The following ZDHHC17 variants were observed in gnomAD, a reference collection of about 807,000 sequenced individuals.
The protein encoded by ZDHHC17 is zDHHC palmitoyltransferase 17.
In ZDHHC17, 40 loss-of-function variants were observed where a neutral mutation model predicts 90.3. The ratio of observed to expected loss-of-function variants is 0.44; its 90% confidence interval spans 0.34 to 0.58. The LOEUF is 0.58. Ranked by LOEUF, ZDHHC17 falls within the 20% of genes least tolerant of loss-of-function variation. The pLI is 0.01. For synonymous variants in ZDHHC17, 235 were observed against 252.4 expected, an observed-to-expected ratio of 0.93 and a Z score of 0.65; for missense variants, 614 against 780.8, an observed-to-expected ratio of 0.79 and a Z score of 2.55.
rs1240649658 is a variant in ZDHHC17, at chr12:76,852,134, A to C, written c.*1149A>C. The C allele has an allele frequency of 6.6e-6, 1 of 152,634 alleles. No individual in the cohort carries two copies. Among genetic ancestry groups the C allele is most frequent in the African/African-American group, 2.4e-5 (1 of 41,454 alleles). The allele number at this position is 152,634 out of a possible 1,614,324, so 9.5% of individuals were successfully genotyped here. A position where few individuals can be genotyped will look rare whatever the true frequency, so the allele number is the denominator to read the frequency against. On this transcript the variant is annotated 3_prime_UTR_variant, in exon 17 of 17. Coordinates refer to ENST00000426126, the MANE Select transcript of ZDHHC17 (RefSeq NM_015336.4). Reference sequence around the variant, plus strand: ...AAAAATTTTCTTTTTGTTAAATGTGATGCACTGATCAATTTTTGTCACAGC... The same window carrying C: ...AAAAATTTTCTTTTTGTTAAATGTGCTGCACTGATCAATTTTTGTCACAGC...
intron 1 of ZDHHC17, among the ~76,000 whole-genome samples, chr12:76,777,979 T>C (rs1025543399): frequency 6.6e-6 from 1 of 152,124 alleles, no homozygotes; most frequent in Non-Finnish European, 1.5e-5. Context: ...GGGATATCAG[T>C]GGGACTATGC....
At chr12:76,822,202 A>G (rs1004826628) in intron 7 of ZDHHC17, among the ~76,000 whole-genome samples, 4 of 152,344 alleles carry the variant, frequency 2.6e-5, no homozygotes, top group African/African-American at 9.6e-5. Flanking sequence ...TCTACGGAAT[A>G]TGATGAGAAA....
chr12:76,839,203 A>G (rs1033648002), intron 10 of ZDHHC17, among the ~76,000 whole-genome samples: 6 of 152,194 alleles, frequency 3.9e-5, no homozygotes, highest in African/African-American at 1.4e-4. Context: ...GGGATTCAAC[A>G]TATGCATTGT....
intron 10 of ZDHHC17, among the ~76,000 whole-genome samples, chr12:76,837,608 T>A (rs1163045260): frequency 1.3e-5 from 2 of 152,224 alleles, no homozygotes; most frequent in African/African-American, 4.8e-5. Context: ...ATATACAGTG[T>A]GTCTTTTCAG....
In ZDHHC17 at chr12:76,809,822, A is replaced by G. The variant is rs1313015187; in HGVS notation, c.508A>G (p.Thr170Ala). The change falls in exon 5 of 17, where the codon ACC becomes GCC. Residue 170 changes from threonine to alanine, a missense_variant. By Grantham distance (58) the Thr-to-Ala change is moderately conservative. Transcript: ENST00000426126. ...TCATCTGGCTGCTCAGTTCGGACAT[A>G]CCTCAATTGTTGCTTATCTCATAGC... ...CIHLAAQFGH[T>A]SIVAYLIAKG... 1 of 1,611,492 alleles carries G rather than the reference A, an allele frequency of 6.2e-7. No individual in the cohort carries two copies. The highest frequency in any genetic ancestry group is 1.1e-5 in the South Asian group (1 of 90,600).
intron 1 of ZDHHC17, among the ~76,000 whole-genome samples, chr12:76,768,897 A>G (rs1047353949): frequency 2.6e-4 from 39 of 151,648 alleles, no homozygotes; most frequent in African/African-American, 9.5e-4. Context: ...AACTTCTGCT[A>G]TTGCCTTTTT....
chr12:76,771,519 C>T (rs906255745), intron 1 of ZDHHC17, among the ~76,000 whole-genome samples: 11 of 152,044 alleles, frequency 7.2e-5, no homozygotes, highest in Middle Eastern at 3.4e-3. Context: ...TTAACAGTAC[C>T]TGAGACATTT....
chr12:76,848,190 G>C (rs1388378376), intron 14 of ZDHHC17, 43 bp from the exon 15 acceptor site: 1 of 1,606,246 alleles, frequency 6.2e-7, no homozygotes, highest in Admixed American at 1.7e-5. Flanking sequence ...GAGGTGCTTG[G>C]ATGATTATTG....
intron 1 of ZDHHC17, among the ~76,000 whole-genome samples, chr12:76,765,617 T>G (rs1952421643): frequency 1.3e-5 from 2 of 152,256 alleles, no homozygotes; most frequent in South Asian, 4.1e-4. Context: ...TTTTCAGATG[T>G]TGCCTTGAAA....
chr12:76,846,972 A>G (rs1953502929), intron 14 of ZDHHC17, among the ~76,000 whole-genome samples: 2 of 152,228 alleles, frequency 1.3e-5, no homozygotes, highest in South Asian at 4.1e-4. Context: ...CATTTTCCAC[A>G]TCATGTGCTT....
In ZDHHC17 at chr12:76,827,045, T is replaced by G. The variant is rs910126149; in HGVS notation, c.1035T>G (p.Leu345=). ...YGGVWATVQF[L]SKSFFDHSMH... The stretch of plus-strand genomic sequence containing the variant: ...GTGTTTGGGCTACAGTACAGTTTCT[T>G]TCAAAGTAAGTGTGTTGTTTTTAAC... Residue 345 remains leucine (L), a synonymous_variant, in exon 9 of 17, where the codon CTT becomes CTG. Transcript: ENST00000426126. The G allele has an allele frequency of 1.3e-6, 2 of 1,555,050 alleles. No individual in the cohort carries two copies. Among genetic ancestry groups the G allele is most frequent in the Non-Finnish European group, 1.7e-6 (2 of 1,161,016 alleles).
intron 12 of ZDHHC17, 67 bp downstream of exon 12, chr12:76,843,048 A>G (rs1158853066): frequency 5.5e-6 from 7 of 1,272,484 alleles, no homozygotes; most frequent in Non-Finnish European, 7.8e-6. Context: ...CATAGCGGGT[A>G]TGGGGTGTGG....
intron 1 of ZDHHC17, among the ~76,000 whole-genome samples, chr12:76,773,783 CTTGTT>C (rs1186113627): frequency 6.6e-6 from 1 of 152,090 alleles, no homozygotes; most frequent in Non-Finnish European, 1.5e-5. Context: ...TCAGTTCTTC[CTTGTT>C]ACTAAAGGAA....
chr12:76,804,187 C>T (rs928318819), intron 2 of ZDHHC17, among the ~76,000 whole-genome samples: 1 of 152,200 alleles, frequency 6.6e-6, no homozygotes, highest in Admixed American at 6.5e-5. Context: ...CCTTACATCT[C>T]TCATAATTGT....
At chr12:76,765,246 T>G (rs1236411876) in intron 1 of ZDHHC17, among the ~76,000 whole-genome samples, 1 of 152,228 alleles carries the variant, frequency 6.6e-6, no homozygotes, top group East Asian at 1.9e-4. Context: ...CATGGAAGTC[T>G]CTACCTGGTT....
intron 10 of ZDHHC17, among the ~76,000 whole-genome samples, chr12:76,831,044 T>C (rs992361723): frequency 3.3e-5 from 5 of 152,218 alleles, no homozygotes; most frequent in South Asian, 2.1e-4. Context: ...TAGATTGATA[T>C]AGTTTTCATT....
chr12:76,802,120 A>G (rs1271215025), intron 2 of ZDHHC17, among the ~76,000 whole-genome samples: 2 of 152,142 alleles, frequency 1.3e-5, no homozygotes, highest in South Asian at 2.1e-4. Context: ...CCTTTGTTCA[A>G]TTCTTGCAGG....
chr12:76,821,260 C>T (rs1160836271), intron 7 of ZDHHC17: 2 of 529,728 alleles, frequency 3.8e-6, no homozygotes, highest in Admixed American at 4.4e-5. Flanking sequence ...AGTAAATATC[C>T]CTATTTGTGG....
chr12:76,843,024 T>A, intron 12 of ZDHHC17, 43 bp downstream of exon 12: 2 of 1,520,740 alleles, frequency 1.3e-6, no homozygotes, highest in Non-Finnish European at 1.8e-6. Flanking sequence ...CTCTTCCTCC[T>A]GACAGTGGCA....
Sources: gnomAD v4.1 joint callset for allele counts (sites outside exome capture counted in the v4.1 genomes callset) on GRCh38, gnomAD v4.1.1 for gene constraint, MANE v1.5 for transcripts, NCBI Gene and HGNC (gene_info 2026-07-23, HGNC 2026-07-21) for gene names.